TXNDC8: variants seen among roughly 807,000 people sequenced by gnomAD.
TXNDC8 encodes the protein thioredoxin domain containing 8.
TXNDC8 carries 15 observed loss-of-function variants against 12.9 expected under a neutral mutation model. The observed-to-expected ratio is 1.16, with a 90% CI of 0.78 to 1.79. TXNDC8 has a LOEUF of 1.79. Among genes scored for constraint, TXNDC8 ranks in the 40% most tolerant of loss-of-function variants. TXNDC8 has a pLI of 0.00. For missense variants in TXNDC8, 128 were observed against 113.2 expected, an observed-to-expected ratio of 1.13 and a Z score of -0.59; for synonymous variants, 40 against 35.4, an observed-to-expected ratio of 1.13 and a Z score of -0.46.
At chr9:110,328,134 G>T (rs1839404480) in intron 2 of TXNDC8, among the ~76,000 whole-genome samples, 1 of 152,144 alleles carries the variant, frequency 6.6e-6, no homozygotes, top group South Asian at 2.1e-4. Context: ...AGTTTATGGA[G>T]GTTGAACTAT....
At chr9:110,304,327 G>C in intron 4 of TXNDC8, 140 bp downstream of exon 5, 1 of 684,076 alleles carries the variant, frequency 1.5e-6, no homozygotes, top group East Asian at 2.8e-5. Flanking sequence ...ACTGCCCGGT[G>C]TGCTGCAGGG....
At position 110,305,835 on chromosome 9, in the gene TXNDC8, TC is replaced by T. The variant is rs1408537229; in HGVS notation, c.196-1304del. Among the ~76,000 whole-genome samples, 3 of 112,520 alleles carry T rather than the reference TC, an allele frequency of 2.7e-5. 1 individual carries two copies. The highest frequency in any genetic ancestry group is 5.9e-5 in the Non-Finnish European group (3 of 50,548). The allele number at this position is 112,520 out of a possible 152,430, so 73.8% of individuals were successfully genotyped here. A position where few individuals can be genotyped will look rare whatever the true frequency, so the allele number is the denominator to read the frequency against. ...TCCTTTCCTTTCCTTTCCTTTCTTT[TC>T]CTTTCTTTTCTTTTCTTTCTTTTTC... On this transcript the variant is annotated intron_variant, in intron 3 of 4. Coordinates refer to ENST00000423740, the MANE Select transcript of TXNDC8 (RefSeq NM_001286946.2).
chr9:110,335,405 G>A (rs147580399), intron 1 of TXNDC8, among the ~76,000 whole-genome samples: 186 of 152,034 alleles, frequency 1.2e-3, no homozygotes, highest in African/African-American at 4.4e-3. Context: ...CCCAGCCTGC[G>A]TGTCTTCTTG....
At chr9:110,336,980 G>T (rs1001804876) in intron 1 of TXNDC8, among the ~76,000 whole-genome samples, 1 of 152,142 alleles carries the variant, frequency 6.6e-6, no homozygotes. Flanking sequence ...AACAATAAGT[G>T]TCAAAAGCAT....
In TXNDC8 at chr9:110,306,107, T is replaced by C. The variant is rs145894716; in HGVS notation, c.196-1575A>G. 1.2e-4 allele frequency among the ~76,000 whole-genome samples: 18 copies of C among 152,278 alleles called. No homozygotes were observed. The East Asian group carries it at 3.1e-3, about 26-fold the overall frequency. ...GTCTCAAACTTCTGACCTCCAGTGA[T>C]CTGCTCATCTCAGCCTCCCAAGGTG... On this transcript the variant is annotated intron_variant, in intron 3 of 4. Transcript: ENST00000423740.
chr9:110,301,414 C>A (rs1397462929), downstream of TXNDC8, among the ~76,000 whole-genome samples: 1 of 152,192 alleles, frequency 6.6e-6, no homozygotes, highest in Non-Finnish European at 1.5e-5. Context: ...TATCAGACAA[C>A]TTTTGCTTTA....
intron 2 of TXNDC8, among the ~76,000 whole-genome samples, chr9:110,326,940 G>GCACACACACACACACACACACACA (rs377527245): frequency 7.0e-6 from 1 of 142,920 alleles, no homozygotes; most frequent in Non-Finnish European, 1.5e-5. Flanking sequence ...TGCTACTCAT[G>GCACACACACACACACACACACACA]CACACACACA....
At chr9:110,332,698 A>C (rs368750299) in intron 2 of TXNDC8, among the ~76,000 whole-genome samples, 21 of 152,352 alleles carry the variant, frequency 1.4e-4, no homozygotes, top group African/African-American at 4.8e-4. Context: ...TATACCAAAA[A>C]TAAATATATA....
chr9:110,314,775 T>C (rs559941755), intron 3 of TXNDC8, among the ~76,000 whole-genome samples: 85 of 152,174 alleles, frequency 5.6e-4, no homozygotes, highest in Non-Finnish European at 9.7e-4. Flanking sequence ...GTCTCAGATA[T>C]TCAGGGTTCA....
intron 3 of TXNDC8, among the ~76,000 whole-genome samples, chr9:110,305,770 TTTC>T (rs1173841167): frequency 2.3e-5 from 2 of 85,802 alleles, no homozygotes; most frequent in Non-Finnish European, 4.7e-5. Context: ...TTCCCTTTCT[TTTC>T]TTTTCTTTTC....
At chr9:110,315,364 C>G (rs1463106569) in intron 3 of TXNDC8, among the ~76,000 whole-genome samples, 1 of 152,174 alleles carries the variant, frequency 6.6e-6, no homozygotes, top group African/African-American at 2.4e-5. Context: ...TCCCAAAGTG[C>G]TGGGATTACA....
chr9:110,335,265 T>C (rs1839699392), intron 1 of TXNDC8, among the ~76,000 whole-genome samples: 1 of 152,080 alleles, frequency 6.6e-6, no homozygotes, highest in African/African-American at 2.4e-5. Context: ...GGTGACAGGG[T>C]CTGGCTGTTC....
intron 2 of TXNDC8, among the ~76,000 whole-genome samples, chr9:110,333,754 T>C (rs1319784588): frequency 1.3e-5 from 2 of 152,250 alleles, no homozygotes; most frequent in Non-Finnish European, 2.9e-5. Context: ...TTAACAATTA[T>C]ATATCAATAA....
chr9:110,328,187 C>A (rs1029803912), intron 2 of TXNDC8, among the ~76,000 whole-genome samples: 1 of 152,158 alleles, frequency 6.6e-6, no homozygotes, highest in Non-Finnish European at 1.5e-5. Context: ...GTAGATATCA[C>A]TTTTTTCATT....
At chr9:110,326,128 T>C in intron 3 of TXNDC8, 47 bp downstream of exon 4, 1 of 1,603,072 alleles carries the variant, frequency 6.2e-7, no homozygotes, top group Non-Finnish European at 8.5e-7. Flanking sequence ...GGGACTCTGA[T>C]GGTTCTATAA....
chr9:110,318,809 T>C (rs1270076159), intron 3 of TXNDC8, among the ~76,000 whole-genome samples: 1 of 152,050 alleles, frequency 6.6e-6, no homozygotes, highest in Non-Finnish European at 1.5e-5. Context: ...TAATAAGTAT[T>C]ATATAAAAGT....
rs1304236012 is a variant in TXNDC8, at chr9:110,326,226, A to G, written c.144T>C (p.Thr48=). 5.6e-6 allele frequency: 9 copies of G among 1,613,918 alleles called. No individual in the cohort carries two copies. The highest frequency in any genetic ancestry group is 7.6e-6 in the Non-Finnish European group (9 of 1,179,988). Reference sequence around the variant, plus strand: ...ATGTGGGTATTGTTTTGATGTGACAAGTTTCAGCCAGCTCCTGGGAAAGCA... The same window carrying G: ...ATGTGGGTATTGTTTTGATGTGACAGGTTTCAGCCAGCTCCTGGGAAAGCA... Residue 48 remains threonine (T), a synonymous_variant, in exon 3 of 5, where the codon ACT becomes ACC. Transcript: ENST00000423740.
intron 3 of TXNDC8, among the ~76,000 whole-genome samples, chr9:110,314,478 G>A (rs1838805922): frequency 1.3e-5 from 2 of 148,838 alleles, no homozygotes; most frequent in Admixed American, 6.7e-5. Flanking sequence ...TGTCACCCAG[G>A]CTGGAGTGCA....
chr9:110,332,730 A>G lies in TXNDC8; in HGVS notation c.129+1486T>C, dbSNP rs951999593. The stretch of plus-strand genomic sequence containing the variant: ...TATAAAATGTTAAAAACTGTTATGT[A>G]GGATATTACAGAAATTAACCAGATA... On this transcript the variant is annotated intron_variant, in intron 2 of 4. Coordinates refer to ENST00000423740, the MANE Select transcript of TXNDC8 (RefSeq NM_001286946.2). Among the ~76,000 whole-genome samples, 3 of 152,242 alleles carry G rather than the reference A, an allele frequency of 2.0e-5. No individual in the cohort carries two copies. The East Asian group carries it at 5.8e-4, about 29-fold the overall frequency.
Sources: gnomAD v4.1 joint callset for allele counts (sites outside exome capture counted in the v4.1 genomes callset) on GRCh38, gnomAD v4.1.1 for gene constraint, MANE v1.5 for transcripts, NCBI Gene and HGNC (gene_info 2026-07-23, HGNC 2026-07-21) for gene names.